The following EIF2AK2 variants were observed in gnomAD, a reference collection of about 807,000 sequenced individuals.
The protein encoded by EIF2AK2 is interferon-induced, double-stranded RNA-activated protein kinase.
EIF2AK2 carries 40 observed loss-of-function variants against 70.5 expected under a neutral mutation model. That is an observed-to-expected ratio of 0.57 (90% CI 0.44 to 0.74). EIF2AK2 has a LOEUF of 0.74. EIF2AK2 is among the 30% of genes least tolerant of loss of function. The probability of loss-of-function intolerance (pLI) is 0.00; values close to 1 mark genes in which losing one functional copy is unlikely to be tolerated. For synonymous variants in EIF2AK2, 198 were observed against 220.9 expected, an observed-to-expected ratio of 0.90 and a Z score of 0.92; for missense variants, 555 against 644.3, an observed-to-expected ratio of 0.86 and a Z score of 1.50.
intron 3 of EIF2AK2, among the ~76,000 whole-genome samples, chr2:37,147,249 A>G (rs973256969): frequency 2.0e-5 from 3 of 152,158 alleles, no homozygotes; most frequent in African/African-American, 7.2e-5. Flanking sequence ...GTTGACCTCA[A>G]AGTTGTGCCA....
Position 37,102,449 on chromosome 2 carries a change from G to T in EIF2AK2, c.*4824C>A, listed in dbSNP as rs1436119624. 1 of 152,094 alleles carries T rather than the reference G, an allele frequency of 6.6e-6. No homozygotes were observed. Among genetic ancestry groups the T allele is most frequent in the Non-Finnish European group, 1.5e-5 (1 of 68,026 alleles). 9.4% of individuals were successfully genotyped at this position (152,094 alleles called of 1,614,324 possible). On this transcript the variant is annotated 3_prime_UTR_variant, in exon 17 of 17. Coordinates refer to ENST00000233057, the MANE Select transcript of EIF2AK2 (RefSeq NM_001135651.3). ...ATATTCCATAATGAAAAGTTAACATGCCAAGAATCTCAAATTATGGTGAAC... is the reference window on the plus strand; with the variant it reads ...ATATTCCATAATGAAAAGTTAACATTCCAAGAATCTCAAATTATGGTGAAC...
Position 37,107,494 on chromosome 2 carries a change from C to G in EIF2AK2, c.1513G>C (p.Asp505His), listed in dbSNP as rs1201907599. 6.2e-7 allele frequency: 1 copy of G among 1,612,668 alleles called. No individual in the cohort carries two copies. Among genetic ancestry groups the G allele is most frequent in the South Asian group, 1.1e-5 (1 of 90,788 alleles). The change falls in exon 16 of 17, where the codon GAT (aspartate) becomes CAT (histidine). Residue 505 changes from aspartate (D) to histidine (H), a missense_variant. By Grantham distance (81) the Asp-to-His change is moderately conservative. Coordinates refer to ENST00000233057, the MANE Select transcript of EIF2AK2 (RefSeq NM_001135651.3). ...CTTACTTCTTTTTTATCAAATATATCTGAGATGATGCCATCCCGTAGGTCT... is the reference window on the plus strand; with the variant it reads ...CTTACTTCTTTTTTATCAAATATATGTGAGATGATGCCATCCCGTAGGTCT... ...FTDLRDGIIS[D>H]IFDKKEKTLL...
intron 1 of EIF2AK2, among the ~76,000 whole-genome samples, chr2:37,153,124 A>AT (rs35602398): frequency 8.7e-5 from 13 of 150,284 alleles, no homozygotes; most frequent in South Asian, 2.1e-4. Context: ...AACCATTGTG[A>AT]TTTTTTTTTT....
intron 10 of EIF2AK2, among the ~76,000 whole-genome samples, chr2:37,129,662 G>A (rs1674872985): frequency 6.6e-6 from 1 of 152,092 alleles, no homozygotes; most frequent in Non-Finnish European, 1.5e-5. Flanking sequence ...ATTTGTTTCT[G>A]TTGATGGAAT....
At position 37,100,653 on chromosome 2, in the gene EIF2AK2, C is replaced by T. The variant is rs1159404577; in HGVS notation, c.*6620G>A. Reference sequence around the variant, plus strand: ...AGATCAGAAACTGCAGACATTGAGGCCTGGATGGCCGTTTAGAGAGAAAGA... The same window carrying T: ...AGATCAGAAACTGCAGACATTGAGGTCTGGATGGCCGTTTAGAGAGAAAGA... On this transcript the variant is annotated 3_prime_UTR_variant, in exon 17 of 17. Coordinates refer to ENST00000233057, the MANE Select transcript of EIF2AK2 (RefSeq NM_001135651.3). 1 of 152,166 alleles carries T rather than the reference C, an allele frequency of 6.6e-6. No homozygotes were observed. Among genetic ancestry groups the T allele is most frequent in the Admixed American group, 6.5e-5 (1 of 15,276 alleles). 9.4% of individuals were successfully genotyped at this position (152,166 alleles called of 1,614,324 possible).
rs1673986214 is a variant in EIF2AK2, at chr2:37,107,053, A to AAG, written c.*219_*220insCT. The stretch of plus-strand genomic sequence containing the variant: ...CGAGACTCTGTCTTTAAAAAAAAAA[A>AAG]AAGAATAAAGAGATGAGCCAGGAAA... On this transcript the variant is annotated 3_prime_UTR_variant, in exon 17 of 17. Transcript: ENST00000233057. 5.8e-6 allele frequency: 3 copies of AAG among 517,926 alleles called. No homozygotes were observed. In the East Asian group the frequency reaches 1.3e-4, roughly 23 times the overall value. The allele number at this position is 517,926 out of a possible 1,614,324, so 32.1% of individuals were successfully genotyped here.
At chr2:37,143,908 A>T (rs1675432088) in intron 4 of EIF2AK2, among the ~76,000 whole-genome samples, 1 of 152,134 alleles carries the variant, frequency 6.6e-6, no homozygotes, top group African/African-American at 2.4e-5. Context: ...AACAACAACA[A>T]AAAAACTATT....
intron 14 of EIF2AK2, among the ~76,000 whole-genome samples, chr2:37,111,905 ATATATATC>A (rs1191232927): frequency 2.6e-4 from 30 of 116,524 alleles, no homozygotes; most frequent in African/African-American, 8.0e-4. Flanking sequence ...ATATATATAT[ATATATATC>A]ATAATAAATC....
chr2:37,134,231 A>G (rs528829925), intron 10 of EIF2AK2, among the ~76,000 whole-genome samples: 2 of 152,052 alleles, frequency 1.3e-5, no homozygotes, highest in Non-Finnish European at 2.9e-5. Context: ...ATTATTTCAA[A>G]CCTATTACAA....
intron 1 of EIF2AK2, among the ~76,000 whole-genome samples, chr2:37,150,653 T>C (rs1345069579): frequency 2.0e-5 from 3 of 152,210 alleles, no homozygotes; most frequent in Non-Finnish European, 1.5e-5. Flanking sequence ...AAGTGACTAG[T>C]TGAGTGGTAA....
In EIF2AK2 at chr2:37,101,594, A is replaced by G. The variant is rs561775749; in HGVS notation, c.*5679T>C. The G allele has an allele frequency of 6.6e-6, 1 of 152,314 alleles. No homozygotes were observed. Among genetic ancestry groups the G allele is most frequent in the East Asian group, 1.9e-4 (1 of 5,192 alleles). The allele number at this position is 152,314 out of a possible 1,614,324, so 9.4% of individuals were successfully genotyped here. A position where few individuals can be genotyped will look rare whatever the true frequency, so the allele number is the denominator to read the frequency against. On this transcript the variant is annotated 3_prime_UTR_variant, in exon 17 of 17. Transcript: ENST00000233057. ...AGTATTCTTGGGGGAAAATAAATGA[A>G]CCAGGATCAAATCCAGCTTCTAGGT...
intron 5 of EIF2AK2, among the ~76,000 whole-genome samples, chr2:37,140,329 G>A (rs1403314125): frequency 6.6e-6 from 1 of 152,156 alleles, no homozygotes; most frequent in Non-Finnish European, 1.5e-5. Context: ...TAGATGTAAG[G>A]ACATTTGTGG....
intron 6 of EIF2AK2, among the ~76,000 whole-genome samples, chr2:37,138,927 C>T (rs1399082305): frequency 6.6e-6 from 1 of 151,622 alleles, no homozygotes; most frequent in Non-Finnish European, 1.5e-5. Context: ...TCCTGAGTAG[C>T]TAGGACTACA....
Position 37,099,844 on chromosome 2 carries a change from G to C in EIF2AK2, c.*7429C>G, listed in dbSNP as rs764196980. On this transcript the variant is annotated 3_prime_UTR_variant, in exon 17 of 17. Transcript: ENST00000233057. ...TGGCAATAAAAAGGAATGAGATGCT[G>C]ATTCATGCCACAGCTGGGATGCACC... 5.9e-5 allele frequency: 9 copies of C among 152,182 alleles called. No homozygotes were observed. Among genetic ancestry groups the C allele is most frequent in the Non-Finnish European group, 1.2e-4 (8 of 68,036 alleles). 9.4% of individuals were successfully genotyped at this position (152,182 alleles called of 1,614,324 possible).
chr2:37,153,708 A>G (rs965947469), intron 1 of EIF2AK2, among the ~76,000 whole-genome samples: 1 of 152,102 alleles, frequency 6.6e-6, no homozygotes, highest in Admixed American at 6.6e-5. Context: ...TATATATACC[A>G]TATTTTGTTC....
intron 10 of EIF2AK2, among the ~76,000 whole-genome samples, chr2:37,127,424 G>C (rs1437306916): frequency 6.6e-6 from 1 of 152,078 alleles, no homozygotes; most frequent in Non-Finnish European, 1.5e-5. Context: ...AAAACAAAAA[G>C]CCCTTAAATG....
intron 10 of EIF2AK2, among the ~76,000 whole-genome samples, chr2:37,126,960 A>G (rs1674752315): frequency 2.6e-5 from 3 of 114,686 alleles, no homozygotes; most frequent in African/African-American, 1.1e-4. Context: ...TCCATCTCAA[A>G]AAAACAGAAA....
At chr2:37,112,057 T>C (rs578085042) in intron 14 of EIF2AK2, among the ~76,000 whole-genome samples, 7 of 151,508 alleles carry the variant, frequency 4.6e-5, no homozygotes, top group African/African-American at 1.7e-4. Flanking sequence ...TCCACCCTCA[T>C]TGCCTTGAGC....
chr2:37,109,022 T>G (rs1674057265), intron 15 of EIF2AK2, among the ~76,000 whole-genome samples, 172 bp downstream of exon 15: 1 of 152,222 alleles, frequency 6.6e-6, no homozygotes, highest in Admixed American at 6.5e-5. Context: ...TTTAAGAAAG[T>G]GTTTGGTCTC....
Sources: gnomAD v4.1 joint callset for allele counts (sites outside exome capture counted in the v4.1 genomes callset) on GRCh38, gnomAD v4.1.1 for gene constraint, MANE v1.5 for transcripts, NCBI Gene and HGNC (gene_info 2026-07-23, HGNC 2026-07-21) for gene names.